CNTNAP2: variants seen among roughly 807,000 people sequenced by gnomAD.
CNTNAP2 encodes the protein contactin-associated protein-like 2.
Under a neutral mutation model 155.2 loss-of-function variants are expected in CNTNAP2, and 98 were observed. The observed-to-expected ratio is 0.63, with a 90% confidence interval of 0.54 to 0.75. CNTNAP2 has a LOEUF of 0.75. Ranked by LOEUF, CNTNAP2 falls within the 30% of genes least tolerant of loss-of-function variation. The probability of loss-of-function intolerance (pLI) is 0.00; values close to 1 mark genes in which losing one functional copy is unlikely to be tolerated. For synonymous variants in CNTNAP2, 651 were observed against 631.2 expected (o/e 1.03, Z -0.47); for missense variants, 1,727 against 1,688.1 (o/e 1.02, Z -0.40).
chr7:147,609,575 C>T (rs1263950118), intron 12 of CNTNAP2, among the ~76,000 whole-genome samples: 4 of 151,700 alleles, frequency 2.6e-5, no homozygotes, highest in African/African-American at 9.7e-5. Flanking sequence ...GGGAGACAGA[C>T]AATACAAAAT....
chr7:147,956,529 C>T (rs1232217390), intron 14 of CNTNAP2, among the ~76,000 whole-genome samples: 1 of 152,190 alleles, frequency 6.6e-6, no homozygotes, highest in Non-Finnish European at 1.5e-5. Context: ...CTGTGTTCAG[C>T]CTTCTGCCGC....
chr7:147,579,759 C>T (rs570683200), intron 12 of CNTNAP2, among the ~76,000 whole-genome samples: 2 of 152,152 alleles, frequency 1.3e-5, no homozygotes, highest in African/African-American at 4.8e-5. Flanking sequence ...ACATTGCTTC[C>T]TACTGTGCTG....
At chr7:146,710,926 T>G (rs1801055917) in intron 1 of CNTNAP2, among the ~76,000 whole-genome samples, 3 of 152,016 alleles carry the variant, frequency 2.0e-5, no homozygotes, top group Admixed American at 1.3e-4. Flanking sequence ...GCTGGCCCAT[T>G]GCAAAGCAAT....
intron 22 of CNTNAP2, among the ~76,000 whole-genome samples, chr7:148,406,238 T>TAAAGAAAGAAAG (rs1554431156): frequency 2.1e-3 from 37 of 17,834 alleles, no homozygotes; most frequent in Admixed American, 2.9e-3. Context: ...TCTCAAAAAA[T>TAAAGAAAGAAAG]AAAGAAAGAA....
chr7:146,314,322 G>C (rs1459149798), intron 1 of CNTNAP2, among the ~76,000 whole-genome samples: 1 of 152,190 alleles, frequency 6.6e-6, no homozygotes, highest in African/African-American at 2.4e-5. Context: ...ATACATGGGA[G>C]AGTATCAAGT....
intron 1 of CNTNAP2, among the ~76,000 whole-genome samples, chr7:146,700,769 C>A (rs1800863330): frequency 6.6e-6 from 1 of 152,114 alleles, no homozygotes; most frequent in South Asian, 2.1e-4. Context: ...GCTCTGCGTG[C>A]AGGCAGGCCA....
chr7:146,855,052 T>G (rs1189418608), intron 3 of CNTNAP2, among the ~76,000 whole-genome samples: 1 of 152,080 alleles, frequency 6.6e-6, no homozygotes, highest in Non-Finnish European at 1.5e-5. Flanking sequence ...AAAAGGAAAC[T>G]CAAACAAAAT....
chr7:147,315,818 A>C (rs573641200), intron 9 of CNTNAP2, among the ~76,000 whole-genome samples: 2 of 152,220 alleles, frequency 1.3e-5, no homozygotes, highest in East Asian at 3.9e-4. Flanking sequence ...TGCTTAAAAA[A>C]TTATCTTTTA....
intron 1 of CNTNAP2, among the ~76,000 whole-genome samples, chr7:146,560,111 TTA>T (rs1412838622): frequency 6.6e-6 from 1 of 152,212 alleles, no homozygotes; most frequent in African/African-American, 2.4e-5. Context: ...AATTTGGTTA[TTA>T]TATTAATCTC....
chr7:146,719,428 T>A (rs1049616547), intron 1 of CNTNAP2, among the ~76,000 whole-genome samples: 2 of 152,176 alleles, frequency 1.3e-5, no homozygotes, highest in African/African-American at 4.8e-5. Context: ...TTTGCCTAAT[T>A]TTTTCAGACT....
intron 8 of CNTNAP2, among the ~76,000 whole-genome samples, chr7:147,206,929 G>A (rs1006200643): frequency 2.6e-5 from 4 of 152,274 alleles, no homozygotes; most frequent in Admixed American, 6.5e-5. Flanking sequence ...AGAACTACTG[G>A]TGGAGCAAAG....
At chr7:146,638,586 G>T (rs898508085) in intron 1 of CNTNAP2, among the ~76,000 whole-genome samples, 4 of 144,314 alleles carry the variant, frequency 2.8e-5, no homozygotes, top group African/African-American at 7.8e-5. Flanking sequence ...CCGGGTTCAC[G>T]CCATTCTCCT....
chr7:146,690,961 A>C (rs985794104), intron 1 of CNTNAP2, among the ~76,000 whole-genome samples: 2 of 152,162 alleles, frequency 1.3e-5, no homozygotes. Context: ...ATGTGCAGTC[A>C]CACCTTTACT....
chr7:147,761,583 T>C (rs1317568306), intron 13 of CNTNAP2, among the ~76,000 whole-genome samples: 3 of 152,170 alleles, frequency 2.0e-5, no homozygotes, highest in African/African-American at 7.2e-5. Context: ...TGTAGAAGGC[T>C]CAAACTAGGT....
intron 1 of CNTNAP2, among the ~76,000 whole-genome samples, chr7:146,263,662 CACTT>C (rs1387983484): frequency 6.6e-5 from 10 of 152,250 alleles, no homozygotes; most frequent in African/African-American, 2.2e-4. Context: ...TCATTTTTCT[CACTT>C]ACAAGTAGAG....
chr7:147,617,382 C>G (rs569138607), intron 12 of CNTNAP2, among the ~76,000 whole-genome samples: 2 of 152,272 alleles, frequency 1.3e-5, no homozygotes, highest in Non-Finnish European at 2.9e-5. Flanking sequence ...TTTGTGTCCC[C>G]AGAGCCTGGC....
rs113912127 is a variant in CNTNAP2, at chr7:147,053,967, G to A, written c.550+9913G>A. The stretch of plus-strand genomic sequence containing the variant: ...CAGCCCAATCCTCTATTTTACTAAC[G>A]AGGAAACCAAAACCCACAGAGTTAT... On this transcript the variant is annotated intron_variant, in intron 4 of 23. Transcript: ENST00000361727. 3.9e-3 allele frequency among the ~76,000 whole-genome samples: 594 copies of A among 152,168 alleles called. 6 individuals carry two copies. The highest frequency in any genetic ancestry group is 0.014 in the African/African-American group (564 of 41,526).
chr7:146,865,490 ACT>A (rs1795186751), intron 3 of CNTNAP2, among the ~76,000 whole-genome samples: 1 of 152,132 alleles, frequency 6.6e-6, no homozygotes, highest in African/African-American at 2.4e-5. Flanking sequence ...CCACAAATAG[ACT>A]CACATATATA....
chr7:146,308,707 C>A (rs2129090080), intron 1 of CNTNAP2, among the ~76,000 whole-genome samples: 1 of 152,220 alleles, frequency 6.6e-6, no homozygotes, highest in African/African-American at 2.4e-5. Context: ...AACCAGCATT[C>A]TGAGCAAACT....
Sources: gnomAD v4.1 joint callset for allele counts (sites outside exome capture counted in the v4.1 genomes callset) on GRCh38, gnomAD v4.1.1 for gene constraint, MANE v1.5 for transcripts, NCBI Gene and HGNC (gene_info 2026-07-23, HGNC 2026-07-21) for gene names.